Variants in IL1R2 observed in about 807,000 individuals in gnomAD.
IL1R2 encodes the protein interleukin 1 receptor type 2.
A neutral mutation model predicts 39.5 loss-of-function variants in IL1R2; 46 were observed. That is an observed-to-expected ratio of 1.16 (90% confidence interval 0.92 to 1.49). The LOEUF (loss-of-function observed/expected upper bound fraction) is 1.49, where lower values mean the gene tolerates loss of function less well. Among genes scored for constraint, IL1R2 ranks in the 40% most tolerant of loss-of-function variants. The probability of loss-of-function intolerance (pLI) is 0.00; values close to 1 mark genes in which losing one functional copy is unlikely to be tolerated. For missense variants in IL1R2, 537 were observed against 502.0 expected, an observed-to-expected ratio of 1.07 and a Z score of -0.67; for synonymous variants, 207 against 189.6, an observed-to-expected ratio of 1.09 and a Z score of -0.75.
chr2:102,003,798 GT>G (rs1676077762), intron 1 of IL1R2, among the ~76,000 whole-genome samples: 1 of 680 alleles, frequency 1.5e-3, no homozygotes, highest in East Asian at 0.038. Context: ...CTGTGTCTGT[GT>G]CTGTGGCTGT....
intron 5 of IL1R2, among the ~76,000 whole-genome samples, chr2:102,020,301 T>C (rs991859857): frequency 3.9e-5 from 6 of 152,252 alleles, no homozygotes; most frequent in African/African-American, 1.2e-4. Context: ...AATAGCAATA[T>C]TTCAAATAGT....
intron 1 of IL1R2, among the ~76,000 whole-genome samples, chr2:102,004,873 A>G (rs1048720673): frequency 4.6e-5 from 7 of 152,210 alleles, no homozygotes; most frequent in Admixed American, 3.3e-4. Flanking sequence ...CAGGGAGAGA[A>G]ACCAAGACAA....
intron 8 of IL1R2, among the ~76,000 whole-genome samples, chr2:102,027,788 G>A (rs1463845507): frequency 6.6e-6 from 1 of 152,146 alleles, no homozygotes; most frequent in African/African-American, 2.4e-5. Flanking sequence ...AAGCAATCGT[G>A]TTGGCCCCTG....
At position 102,024,482 on chromosome 2, in the gene IL1R2, G is replaced by A. The variant is rs747696462; in HGVS notation, c.752-51G>A. ...GACTCAGGGCTCAGGTTTGCTGGTG[G>A]GTGGGAGGTGCTGGTTCTGCAGTTG... On this transcript the variant is annotated intron_variant, in intron 6 of 8. Transcript: ENST00000332549. The A allele has an allele frequency of 5.9e-6, 8 of 1,355,492 alleles. No homozygotes were observed. The African/African-American group carries it at 7.1e-5, about 12-fold the overall frequency. The allele number at this position is 1,355,492 out of a possible 1,614,324, so 84.0% of individuals were successfully genotyped here.
chr2:102,022,200 G>A lies in IL1R2; in HGVS notation c.702G>A (p.Glu234=). The part of the protein sequence containing the change: ...IELRIKKKKE[E]TIPVIISPLK... Reference sequence around the variant, plus strand: ...CATCTTTCTCAGAAAAAAAAGAAGAGACCATTCCTGTGATCATTTCCCCCC... The same window carrying A: ...CATCTTTCTCAGAAAAAAAAGAAGAAACCATTCCTGTGATCATTTCCCCCC... Residue 234 remains glutamate, a synonymous_variant, in exon 6 of 9, where the codon GAG becomes GAA. Coordinates refer to ENST00000332549, the MANE Select transcript of IL1R2 (RefSeq NM_004633.4). 6.2e-7 allele frequency: 1 copy of A among 1,613,598 alleles called. No individual in the cohort carries two copies. The highest frequency in any genetic ancestry group is 8.5e-7 in the Non-Finnish European group (1 of 1,179,498).
At position 102,019,830 on chromosome 2, in the gene IL1R2, A is replaced by G. The variant is rs766825589; in HGVS notation, c.688+18A>G. The G allele has an allele frequency of 5.0e-6, 8 of 1,605,084 alleles. No individual in the cohort carries two copies. The highest frequency in any genetic ancestry group is 6.8e-6 in the Non-Finnish European group (8 of 1,173,502). On this transcript the variant is annotated intron_variant, in intron 5 of 8. Transcript: ENST00000332549. The stretch of plus-strand genomic sequence containing the variant: ...CATCAAGAGTAAGTACTTGCCATTG[A>G]GGCACCTATCTATCCTGGTTCAATA...
At chr2:101,993,506 T>G (rs528178434) in intron 1 of IL1R2, among the ~76,000 whole-genome samples, 6 of 152,266 alleles carry the variant, frequency 3.9e-5, no homozygotes, top group South Asian at 2.1e-4. Flanking sequence ...TGCCTGAGGC[T>G]CCAACAGAAA....
chr2:102,013,524 C>CAAAGAAAAAAAAA, intron 3 of IL1R2, among the ~76,000 whole-genome samples: 1 of 5,688 alleles, frequency 1.8e-4, no homozygotes, highest in Non-Finnish European at 3.0e-4. Context: ...TCTATCACTG[C>CAAAGAAAAAAAAA]AAAAAAAAAA....
intron 1 of IL1R2, among the ~76,000 whole-genome samples, chr2:102,002,353 T>TGTGTCTGTCG (rs1553613381): frequency 6.8e-6 from 1 of 147,218 alleles, no homozygotes; most frequent in African/African-American, 2.5e-5. Flanking sequence ...CGGGTGTGTC[T>TGTGTCTGTCG]GTGTCTGTGT....
At position 102,009,806 on chromosome 2, in the gene IL1R2, C is replaced by G. The variant is rs764716173; in HGVS notation, c.312C>G (p.Gly104=). The change falls in exon 3 of 9, where the codon GGC becomes GGG. Residue 104 remains glycine, a synonymous_variant. Transcript: ENST00000332549. The stretch of plus-strand genomic sequence containing the variant: ...TGCCAGCCTTGCAGGAGGACTCTGG[C>G]ACCTACGTCTGCACTACTAGGTAAG... ...WLLPALQEDS[G]TYVCTTRNAS... is the part of the protein sequence containing the mutation. The G allele has an allele frequency of 1.2e-6, 2 of 1,614,068 alleles. No homozygotes were observed. Among genetic ancestry groups the G allele is most frequent in the African/African-American group, 2.7e-5 (2 of 74,934 alleles).
At chr2:102,004,548 C>G (rs938911764) in intron 1 of IL1R2, among the ~76,000 whole-genome samples, 3 of 151,604 alleles carry the variant, frequency 2.0e-5, no homozygotes, top group Non-Finnish European at 4.4e-5. Flanking sequence ...AGGAGCTGCC[C>G]TTGAAATTTC....
chr2:102,016,717 G>A (rs1677026592), intron 4 of IL1R2, among the ~76,000 whole-genome samples: 3 of 152,128 alleles, frequency 2.0e-5, no homozygotes, highest in Admixed American at 2.0e-4. Context: ...ATTTACACAG[G>A]GCATTTACAT....
At chr2:102,020,473 G>A (rs1270763380) in intron 5 of IL1R2, among the ~76,000 whole-genome samples, 3 of 152,190 alleles carry the variant, frequency 2.0e-5, no homozygotes, top group Non-Finnish European at 4.4e-5. Flanking sequence ...CTTGGAGAGT[G>A]GGCCACACTT....
chr2:102,026,051 T>G (rs1210831993), intron 7 of IL1R2, 60 bp from the exon 8 acceptor site: 2 of 1,361,078 alleles, frequency 1.5e-6, no homozygotes, highest in South Asian at 1.3e-5. Context: ...ATGTCTACAT[T>G]GTGAAAGACA....
intron 1 of IL1R2, among the ~76,000 whole-genome samples, chr2:101,994,753 A>G (rs1183657238): frequency 1.3e-5 from 2 of 152,302 alleles, no homozygotes; most frequent in Admixed American, 6.5e-5. Context: ...GGCCTTGTGA[A>G]TATGTGGCTG....
At chr2:102,014,289 T>C (rs764511493) in intron 3 of IL1R2, among the ~76,000 whole-genome samples, 29 of 152,320 alleles carry the variant, frequency 1.9e-4, no homozygotes, top group Middle Eastern at 3.4e-3. Flanking sequence ...AAAAATGATA[T>C]AATAGTAATT....
intron 2 of IL1R2, 109 bp downstream of exon 2, chr2:102,008,751 G>A (rs1469244511): frequency 1.3e-5 from 12 of 909,422 alleles, no homozygotes; most frequent in East Asian, 7.3e-5. Flanking sequence ...GGCCGAGCTC[G>A]GTGGCTGCCG....
At chr2:102,002,990 GTGTCTA>G (rs1449955952) in intron 1 of IL1R2, among the ~76,000 whole-genome samples, 1 of 149,082 alleles carries the variant, frequency 6.7e-6, no homozygotes, top group African/African-American at 2.4e-5. Flanking sequence ...GTCTGTGTCG[GTGTCTA>G]TGTCTATGTC....
chr2:101,992,826 C>T (rs562942555), intron 1 of IL1R2, among the ~76,000 whole-genome samples: 7 of 152,236 alleles, frequency 4.6e-5, no homozygotes, highest in South Asian at 4.2e-4. Context: ...GAGGCTCAGG[C>T]GACTCTCCGG....
Sources: allele counts gnomAD v4.1 joint callset (sites outside exome capture counted in the v4.1 genomes callset), GRCh38; gene constraint gnomAD v4.1.1; transcripts MANE v1.5; gene names NCBI Gene and HGNC (gene_info 2026-07-23, HGNC 2026-07-21).